The following MRPL30 variants were observed in gnomAD, a reference collection of about 807,000 sequenced individuals.
The protein encoded by MRPL30 is mitochondrial ribosomal protein L30, also known as large ribosomal subunit protein uL30m.
Under a neutral mutation model 17.2 loss-of-function variants are expected in MRPL30, and 10 were observed. The ratio of observed to expected loss-of-function variants is 0.58; its 90% confidence interval spans 0.36 to 0.99. The LOEUF (loss-of-function observed/expected upper bound fraction) is 0.99, where lower values mean the gene tolerates loss of function less well. Ranked by LOEUF, MRPL30 falls within the 50% of genes least tolerant of loss-of-function variation. The probability of loss-of-function intolerance (pLI) is 0.01; values close to 1 mark genes in which losing one functional copy is unlikely to be tolerated. For missense variants in MRPL30, 170 were observed against 189.8 expected, an observed-to-expected ratio of 0.90 and a Z score of 0.61; for synonymous variants, 61 against 62.1, an observed-to-expected ratio of 0.98 and a Z score of 0.08.
At chr2:99,188,310 T>G (rs753230331) in intron 3 of MRPL30, 53 bp downstream of exon 3, 45 of 1,358,044 alleles carry the variant, frequency 3.3e-5, no homozygotes, top group Non-Finnish European at 4.6e-5. Context: ...AAAAATGTTT[T>G]AAGTGGTACC....
intron 3 of MRPL30, among the ~76,000 whole-genome samples, chr2:99,188,467 T>C (rs2093938084): frequency 6.6e-6 from 1 of 152,158 alleles, no homozygotes; most frequent in Non-Finnish European, 1.5e-5. Context: ...TTCACAGTAA[T>C]GGGTTTTTAT....
At chr2:99,183,215 T>C (rs777862947) in intron 1 of MRPL30, among the ~76,000 whole-genome samples, 14 of 151,948 alleles carry the variant, frequency 9.2e-5, no homozygotes, top group Non-Finnish European at 1.6e-4. Flanking sequence ...TAATTGGAGA[T>C]GGAGTCCTGG....
chr2:99,188,948 G>T (rs555774534), intron 3 of MRPL30, among the ~76,000 whole-genome samples: 7 of 152,164 alleles, frequency 4.6e-5, no homozygotes, highest in African/African-American at 1.7e-4. Flanking sequence ...TGATCCACCC[G>T]CCTTGGCCTC....
intron 3 of MRPL30, among the ~76,000 whole-genome samples, chr2:99,193,953 G>A (rs1247697092): frequency 2.0e-5 from 3 of 149,706 alleles, no homozygotes; most frequent in African/African-American, 7.4e-5. Flanking sequence ...CAAGAGAATC[G>A]CTTGAACCTT....
Position 99,182,384 on chromosome 2 carries a change from T to C in MRPL30, c.-28+1135T>C, listed in dbSNP as rs577960053. ...TCCTGGCTAACACGGTGAAACCCCG[T>C]CTCTACTAAAAATACAAAAAATTAG... is the stretch of plus-strand genomic sequence containing the variant. On this transcript the variant is annotated intron_variant, in intron 1 of 5. Coordinates refer to ENST00000338148, the MANE Select transcript of MRPL30 (RefSeq NM_145212.4). Among the ~76,000 whole-genome samples the C allele has an allele frequency of 5.9e-5, 9 of 152,116 alleles. No homozygotes were observed. The East Asian group carries it at 1.7e-3, about 29-fold the overall frequency.
intron 3 of MRPL30, among the ~76,000 whole-genome samples, chr2:99,191,508 T>G (rs1471158320): frequency 6.6e-6 from 1 of 152,152 alleles, no homozygotes; most frequent in African/African-American, 2.4e-5. Context: ...TCTATCTAAT[T>G]TCCCAGACTA....
chr2:99,183,291 TG>T (rs2093928708), intron 1 of MRPL30, among the ~76,000 whole-genome samples: 1 of 151,948 alleles, frequency 6.6e-6, no homozygotes, highest in African/African-American at 2.4e-5. Context: ...GAATTAGAGT[TG>T]GGGGTGGTGG....
At position 99,195,871 on chromosome 2, in the gene MRPL30, CA is replaced by C; in HGVS notation, c.*168del. The C allele has an allele frequency of 1.1e-6, 1 of 873,560 alleles. No homozygotes were observed. The highest frequency in any genetic ancestry group is 1.7e-6 in the Non-Finnish European group (1 of 603,554). 54.1% of individuals were successfully genotyped at this position (873,560 alleles called of 1,614,324 possible). ...CCAAGGCGGGCAGATCACCTGAGGT[CA>C]AGAGTTCGAGACCAGCCTGACCAAC... On this transcript the variant is annotated 3_prime_UTR_variant, in exon 6 of 6. Transcript: ENST00000338148.
chr2:99,195,608 C>A lies in MRPL30; in HGVS notation c.389C>A (p.Ala130Glu). ...KPLKLPQGLP[A>E]EENMSNTCLK... ...TTGAAGTTGCCACAAGGACTTCCAGCAGAGGAGAACATGTCTAACACGTGC... is the reference window on the plus strand; with the variant it reads ...TTGAAGTTGCCACAAGGACTTCCAGAAGAGGAGAACATGTCTAACACGTGC... Residue 130 changes from alanine (A) to glutamate (E), a missense_variant, in exon 6 of 6, where the codon GCA (alanine) becomes GAA (glutamate). Coordinates refer to ENST00000338148, the MANE Select transcript of MRPL30 (RefSeq NM_145212.4). The A allele has an allele frequency of 6.2e-7, 1 of 1,610,632 alleles. No homozygotes were observed. The highest frequency in any genetic ancestry group is 8.5e-7 in the Non-Finnish European group (1 of 1,179,254).
At chr2:99,192,279 T>C (rs905709206) in intron 3 of MRPL30, among the ~76,000 whole-genome samples, 2 of 152,126 alleles carry the variant, frequency 1.3e-5, no homozygotes, top group African/African-American at 4.8e-5. Flanking sequence ...TCTCACTGTA[T>C]ACATTTTTTT....
At chr2:99,181,996 A>G (rs528357456) in intron 1 of MRPL30, among the ~76,000 whole-genome samples, 1 of 152,168 alleles carries the variant, frequency 6.6e-6, no homozygotes, top group Non-Finnish European at 1.5e-5. Context: ...CATTGTAAAA[A>G]GACAAAAGAA....
In MRPL30 at chr2:99,191,193, GAC is replaced by G. The variant is rs531813614; in HGVS notation, c.132+2938_132+2939del. ...AGCTAATTTTTGTATTTTTAGTAGA[GAC>G]AGGGTTTCACCATGCTGGCCAGGAT... On this transcript the variant is annotated intron_variant, in intron 3 of 5. Transcript: ENST00000338148. 2.5e-4 allele frequency among the ~76,000 whole-genome samples: 38 copies of G among 152,148 alleles called. No homozygotes were observed. In the East Asian group the frequency reaches 7.0e-3, roughly 28 times the overall value.
At chr2:99,186,110 G>T in intron 1 of MRPL30, 67 bp from the exon 2 acceptor site, 1 of 1,074,628 alleles carries the variant, frequency 9.3e-7, no homozygotes, top group Non-Finnish European at 1.4e-6. Context: ...TTTAATACTA[G>T]AGAAGGGGAA....
At chr2:99,194,593 T>A (rs187337664) in intron 3 of MRPL30, among the ~76,000 whole-genome samples, 158 bp from the exon 4 acceptor site, 176 of 152,320 alleles carry the variant, frequency 1.2e-3, no homozygotes, top group African/African-American at 4.0e-3. Flanking sequence ...ATAATCAGAT[T>A]GATAGAAATG....
chr2:99,191,689 A>G (rs551584675), intron 3 of MRPL30, among the ~76,000 whole-genome samples: 1 of 152,300 alleles, frequency 6.6e-6, no homozygotes, highest in African/African-American at 2.4e-5. Flanking sequence ...ATCAGTCTCT[A>G]TCCCCAGTTG....
At chr2:99,187,652 T>C (rs1337417028) in intron 2 of MRPL30, among the ~76,000 whole-genome samples, 2 of 151,920 alleles carry the variant, frequency 1.3e-5, no homozygotes, top group Non-Finnish European at 1.5e-5. Flanking sequence ...GGTGAAACCC[T>C]ATCTCTACTA....
Position 99,181,266 on chromosome 2 carries a change from T to G in MRPL30, c.-28+17T>G. 2.6e-6 allele frequency: 1 copy of G among 388,950 alleles called. No homozygotes were observed. Among genetic ancestry groups the G allele is most frequent in the East Asian group, 5.3e-5 (1 of 18,972 alleles). 24.1% of individuals were successfully genotyped at this position (388,950 alleles called of 1,614,324 possible). A position where few individuals can be genotyped will look rare whatever the true frequency, so the allele number is the denominator to read the frequency against. On this transcript the variant is annotated intron_variant, in intron 1 of 5. Transcript: ENST00000338148. The stretch of plus-strand genomic sequence containing the variant: ...CGGGTGCCGGTGAGTGGGGAATGAG[T>G]GGCGGAGAGTGCGGCATTCTTCGCA...
chr2:99,191,790 G>A (rs142936618), intron 3 of MRPL30, among the ~76,000 whole-genome samples: 5 of 152,106 alleles, frequency 3.3e-5, no homozygotes. Flanking sequence ...ATCCCCAGCG[G>A]TAATTTCTAA....
rs6705630 is a variant in MRPL30, at chr2:99,198,132, A to G, written c.*2427A>G. On this transcript the variant is annotated 3_prime_UTR_variant, in exon 6 of 6. Coordinates refer to ENST00000338148, the MANE Select transcript of MRPL30 (RefSeq NM_145212.4). ...AAGAAGAAAAGTCTTTAGTGAAAAT[A>G]TGGGCATAGGCCAGCAGCATTAGCT... Among the ~76,000 whole-genome samples the G allele has an allele frequency of 6.7e-3, 1,025 of 152,372 alleles. 10 individuals are homozygous for G. Among genetic ancestry groups the G allele is most frequent in the African/African-American group, 0.023 (975 of 41,592 alleles).
Sources: allele counts gnomAD v4.1 joint callset (sites outside exome capture counted in the v4.1 genomes callset), GRCh38; gene constraint gnomAD v4.1.1; transcripts MANE v1.5; gene names NCBI Gene and HGNC (gene_info 2026-07-23, HGNC 2026-07-21).